Variants in KLF12 observed in about 807,000 individuals in gnomAD.
KLF12 encodes KLF transcription factor 12.
A neutral mutation model predicts 37.8 loss-of-function variants in KLF12; 9 were observed. That is an observed-to-expected ratio of 0.24 (90% CI 0.14 to 0.42). The LOEUF is 0.42. Among genes scored for constraint, KLF12 ranks in the 10% least tolerant of loss-of-function variants. The pLI, the probability that KLF12 is intolerant of heterozygous loss-of-function variation, is 1.00. For synonymous variants in KLF12, 208 were observed against 202.1 expected (o/e 1.03, Z -0.25); for missense variants, 411 against 516.0 (o/e 0.80, Z 1.97).
At chr13:73,942,150 T>C (rs534426947) in intron 3 of KLF12, among the ~76,000 whole-genome samples, 1 of 152,312 alleles carries the variant, frequency 6.6e-6, no homozygotes, top group South Asian at 2.1e-4. Flanking sequence ...GAAAGAACTA[T>C]ATGGATATTG....
At chr13:73,865,657 A>C (rs922379212) in intron 3 of KLF12, among the ~76,000 whole-genome samples, 5 of 152,218 alleles carry the variant, frequency 3.3e-5, no homozygotes, top group African/African-American at 1.2e-4. Flanking sequence ...ACAAACTAAA[A>C]GGAGAGAAAT....
chr13:73,924,455 G>T (rs930057208), intron 3 of KLF12, among the ~76,000 whole-genome samples: 2 of 152,124 alleles, frequency 1.3e-5, no homozygotes, highest in Non-Finnish European at 2.9e-5. Flanking sequence ...GATCTTTGAT[G>T]TAACTACAGT....
chr13:74,062,031 C>T (rs773611507), intron 1 of KLF12, among the ~76,000 whole-genome samples: 1 of 152,150 alleles, frequency 6.6e-6, no homozygotes, highest in Non-Finnish European at 1.5e-5. Context: ...CAGAGTCTTC[C>T]TCAGTTGTCT....
At chr13:73,739,683 T>C (rs1279855747) in intron 6 of KLF12, among the ~76,000 whole-genome samples, 3 of 123,072 alleles carry the variant, frequency 2.4e-5, no homozygotes, top group Non-Finnish European at 5.4e-5. Context: ...GAGTCTCCTT[T>C]TTTTTTCCTT....
intron 1 of KLF12, among the ~76,000 whole-genome samples, chr13:74,054,933 G>C (rs1415594760): frequency 6.6e-6 from 1 of 152,176 alleles, no homozygotes; most frequent in East Asian, 1.9e-4. Flanking sequence ...ATTATACTTT[G>C]TATGGACACA....
the KLF12 span, among the ~76,000 whole-genome samples, chr13:74,161,271 A>C: frequency 6.6e-6 from 1 of 152,060 alleles, no homozygotes; most frequent in East Asian, 1.9e-4. Context: ...TCCACCTGGA[A>C]CCCCAGAATG....
intron 7 of KLF12, among the ~76,000 whole-genome samples, chr13:73,710,731 A>G (rs965809773): frequency 1.7e-5 from 2 of 120,930 alleles, no homozygotes; most frequent in African/African-American, 7.5e-5. Context: ...GAGCCCCCCT[A>G]TTCCTTGAGA....
intron 6 of KLF12, among the ~76,000 whole-genome samples, chr13:73,755,806 G>C (rs1241682791): frequency 1.3e-5 from 2 of 150,542 alleles, no homozygotes; most frequent in Non-Finnish European, 3.0e-5. Flanking sequence ...TTATGCTTTT[G>C]CGTCCTCATA....
intron 3 of KLF12, among the ~76,000 whole-genome samples, chr13:73,943,089 T>G (rs1473696149): frequency 3.3e-5 from 5 of 152,386 alleles, no homozygotes; most frequent in Non-Finnish European, 7.3e-5. Context: ...TTATTCACAT[T>G]TAAAATTTCT....
chr13:73,959,533 A>G (rs1890954827), intron 2 of KLF12, among the ~76,000 whole-genome samples: 1 of 151,056 alleles, frequency 6.6e-6, no homozygotes, highest in African/African-American at 2.4e-5. Flanking sequence ...TAGATATATT[A>G]AAGGAGAAAT....
At chr13:73,710,947 T>C (rs1250451714) in intron 7 of KLF12, among the ~76,000 whole-genome samples, 1 of 152,160 alleles carries the variant, frequency 6.6e-6, no homozygotes, top group Non-Finnish European at 1.5e-5. Context: ...AGAAGGAAAT[T>C]AAAATGTTAT....
chr13:74,160,888 G>C, the KLF12 span, among the ~76,000 whole-genome samples: 2 of 152,148 alleles, frequency 1.3e-5, no homozygotes, highest in Admixed American at 1.3e-4. Context: ...TGATAGGCAA[G>C]AGATGGGAAT....
intron 3 of KLF12, among the ~76,000 whole-genome samples, chr13:73,884,919 T>G (rs2138977565): frequency 6.6e-6 from 1 of 152,316 alleles, no homozygotes; most frequent in Non-Finnish European, 1.5e-5. Context: ...TACTTGCTTC[T>G]TCTGACCTCT....
chr13:74,021,582 T>A (rs906842178), intron 1 of KLF12, among the ~76,000 whole-genome samples: 13 of 152,022 alleles, frequency 8.6e-5, no homozygotes, highest in Non-Finnish European at 1.5e-4. Context: ...ACTGCACACA[T>A]CTCTTTACAA....
At chr13:73,816,386 A>G (rs1883222597) in intron 4 of KLF12, among the ~76,000 whole-genome samples, 1 of 152,218 alleles carries the variant, frequency 6.6e-6, no homozygotes, top group Non-Finnish European at 1.5e-5. Flanking sequence ...TTTACACTTA[A>G]GATTTTATTG....
At chr13:73,717,147 C>T (rs1366273708) in intron 6 of KLF12, among the ~76,000 whole-genome samples, 4 of 152,232 alleles carry the variant, frequency 2.6e-5, no homozygotes, top group South Asian at 2.1e-4. Flanking sequence ...AAATGAATGT[C>T]GTTATGTTCC....
the KLF12 span, among the ~76,000 whole-genome samples, chr13:74,233,506 C>T: frequency 6.6e-6 from 1 of 152,190 alleles, no homozygotes; most frequent in African/African-American, 2.4e-5. Context: ...TTCACCCATG[C>T]AGATTCATAA....
chr13:73,783,381 A>T (rs1272830148), intron 5 of KLF12, among the ~76,000 whole-genome samples: 1 of 152,130 alleles, frequency 6.6e-6, no homozygotes, highest in East Asian at 1.9e-4. Context: ...AAACAAACAT[A>T]AACTAAATAG....
At chr13:73,980,968 T>C (rs1458116806) in intron 2 of KLF12, among the ~76,000 whole-genome samples, 2 of 152,104 alleles carry the variant, frequency 1.3e-5, no homozygotes, top group African/African-American at 4.8e-5. Flanking sequence ...GAAACCAGCC[T>C]GGGCAACGTG....
Sources: allele counts gnomAD v4.1 joint callset (sites outside exome capture counted in the v4.1 genomes callset), GRCh38; gene constraint gnomAD v4.1.1; transcripts MANE v1.5; gene names NCBI Gene and HGNC (gene_info 2026-07-23, HGNC 2026-07-21).